The following RPL3L variants were observed in gnomAD, a reference collection of about 807,000 sequenced individuals.
The protein encoded by RPL3L is ribosomal protein uL3-like.
A neutral mutation model predicts 44.5 loss-of-function variants in RPL3L; 44 were observed. The observed-to-expected ratio is 0.99, with a 90% CI of 0.78 to 1.27. RPL3L has a LOEUF of 1.27. Ranked by LOEUF, RPL3L falls within the 50% of genes most tolerant of loss-of-function variation. RPL3L has a pLI of 0.00. For synonymous variants in RPL3L, 292 were observed against 230.7 expected (o/e 1.27, Z -2.41); for missense variants, 631 against 569.1 (o/e 1.11, Z -1.11).
chr16:1,954,623 A>G lies in RPL3L; in HGVS notation c.3+6T>C. 6.6e-7 allele frequency: 1 copy of G among 1,505,772 alleles called. No homozygotes were observed. The highest frequency in any genetic ancestry group is 8.9e-7 in the Non-Finnish European group (1 of 1,126,478). The allele number at this position is 1,505,772 out of a possible 1,614,324, so 93.3% of individuals were successfully genotyped here. On this transcript the variant is annotated splice_donor_region_variant and intron_variant, in intron 1 of 9. Transcript: ENST00000268661. ...CCCAGCCCACCCTCACCCTGGTCCCACCAACCATGGTGGCCGATCCCTGAA... is the reference window on the plus strand; with the variant it reads ...CCCAGCCCACCCTCACCCTGGTCCCGCCAACCATGGTGGCCGATCCCTGAA...
chr16:1,948,465 T>C (rs2083142296), intron 4 of RPL3L, among the ~76,000 whole-genome samples: 1 of 152,068 alleles, frequency 6.6e-6, no homozygotes, highest in Admixed American at 6.6e-5. Context: ...CTTCAAGCGA[T>C]CCACCCACCT....
rs2083149644 is a variant in RPL3L, at chr16:1,949,239, TTTTTGTTTTTTTTTTTTTTC to T, written c.501+1585_501+1604del. On this transcript the variant is annotated intron_variant, in intron 4 of 9. Coordinates refer to ENST00000268661, the MANE Select transcript of RPL3L (RefSeq NM_005061.3). The stretch of plus-strand genomic sequence containing the variant: ...CACTGGTGTAAGCCACTGGGCCTGA[TTTTTGTTTTTTTTTTTTTTC>T]TTTTTTTTTTTTTTTTTTTTTTGAG... Among the ~76,000 whole-genome samples the T allele has an allele frequency of 2.2e-5, 3 of 133,896 alleles. No individual in the cohort carries two copies. The South Asian group carries it at 7.4e-4, about 33-fold the overall frequency. The allele number at this position is 133,896 out of a possible 152,430, so 87.8% of individuals were successfully genotyped here.
intron 4 of RPL3L, among the ~76,000 whole-genome samples, chr16:1,949,351 T>G (rs1191160387): frequency 1.3e-5 from 2 of 148,702 alleles, no homozygotes; most frequent in Non-Finnish European, 3.0e-5. Flanking sequence ...CCTCCCAGTT[T>G]CAAGTGATTC....
chr16:1,954,447 A>T (rs959301015), intron 1 of RPL3L, among the ~76,000 whole-genome samples, 182 bp downstream of exon 1: 3 of 151,902 alleles, frequency 2.0e-5, no homozygotes, highest in African/African-American at 7.3e-5. Flanking sequence ...CCATCTGTTC[A>T]TCTCCAGGGC....
rs2083106775 is a variant in RPL3L, at chr16:1,944,676, C to T, written c.*161G>A. On this transcript the variant is annotated 3_prime_UTR_variant, in exon 10 of 10. Coordinates refer to ENST00000268661, the MANE Select transcript of RPL3L (RefSeq NM_005061.3). ...ATTACTCTTTCTCTATTGCAATTCCCCTGTCTTAATGAATCGGCTTTGTCT... is the reference window on the plus strand; with the variant it reads ...ATTACTCTTTCTCTATTGCAATTCCTCTGTCTTAATGAATCGGCTTTGTCT... The T allele has an allele frequency of 2.6e-6, 2 of 776,904 alleles. No homozygotes were observed. The highest frequency in any genetic ancestry group is 2.9e-4 in the Middle Eastern group (1 of 3,410). 48.1% of individuals were successfully genotyped at this position (776,904 alleles called of 1,614,324 possible).
chr16:1,946,404 TC>T (rs1384514210), intron 7 of RPL3L, among the ~76,000 whole-genome samples: 1 of 152,224 alleles, frequency 6.6e-6, no homozygotes, highest in Non-Finnish European at 1.5e-5. Flanking sequence ...AAGGCAAGGG[TC>T]CCACATCACT....
chr16:1,950,608 C>T (rs907504157), intron 4 of RPL3L, among the ~76,000 whole-genome samples: 1 of 152,174 alleles, frequency 6.6e-6, no homozygotes, highest in African/African-American at 2.4e-5. Flanking sequence ...CAGGGCGTGC[C>T]AGGGTCTTAG....
At chr16:1,953,718 G>A (rs867870997) in intron 2 of RPL3L, among the ~76,000 whole-genome samples, 2 of 152,250 alleles carry the variant, frequency 1.3e-5, no homozygotes, top group Admixed American at 6.5e-5. Context: ...TACCGCCCCG[G>A]TGACTGGACC....
chr16:1,951,071 C>G, intron 3 of RPL3L, 92 bp from the exon 4 acceptor site: 1 of 1,525,704 alleles, frequency 6.6e-7, no homozygotes. Flanking sequence ...GCCCACCAAG[C>G]AGGGGTCCTA....
chr16:1,945,216 G>T (rs569594504), intron 9 of RPL3L, among the ~76,000 whole-genome samples: 1 of 152,018 alleles, frequency 6.6e-6, no homozygotes, highest in Non-Finnish European at 1.5e-5. Flanking sequence ...TTAGCCTGGC[G>T]TGGTGGCACG....
Position 1,945,559 on chromosome 16 carries a change from G to A in RPL3L, c.1107C>T (p.Asp369=). 2 of 1,613,880 alleles carry A rather than the reference G, an allele frequency of 1.2e-6. No homozygotes were observed. The highest frequency in any genetic ancestry group is 1.7e-6 in the Non-Finnish European group (2 of 1,179,970). Residue 369 remains aspartate (D), a synonymous_variant, in exon 9 of 10, where the codon GAC becomes GAT. Transcript: ENST00000268661. ...GGCCATGGCCGAACTTGGAGGTGGT[G>A]TCAATGAACTTGAGCTCAATATTCT... ...AVENIELKFI[D]TTSKFGHGRF...
intron 7 of RPL3L, 136 bp downstream of exon 7, chr16:1,946,489 C>G (rs917826565): frequency 1.1e-6 from 1 of 885,288 alleles, no homozygotes; most frequent in Admixed American, 2.4e-5. Context: ...AATCTTGAGC[C>G]CTTGGGGCAG....
At chr16:1,950,185 G>A (rs988849807) in intron 4 of RPL3L, among the ~76,000 whole-genome samples, 1 of 151,356 alleles carries the variant, frequency 6.6e-6, no homozygotes, top group Non-Finnish European at 1.5e-5. Context: ...GGGTATGTAT[G>A]GGGCGGGTAT....
Position 1,952,984 on chromosome 16 carries a change from C to T in RPL3L, c.255G>A (p.Val85=), listed in dbSNP as rs746248169. The T allele has an allele frequency of 6.2e-7, 1 of 1,611,254 alleles. No homozygotes were observed. The highest frequency in any genetic ancestry group is 8.5e-7 in the Non-Finnish European group (1 of 1,179,110). ...AVTIVETPPL[V]VVGVVGYVAT... is the part of the protein sequence containing the mutation. Reference sequence around the variant, plus strand: ...CCACGTAGCCCACCACGCCCACCACCACTAGGGGCGGCGTTTCTACAATTG... The same window carrying T: ...CCACGTAGCCCACCACGCCCACCACTACTAGGGGCGGCGTTTCTACAATTG... The change falls in exon 3 of 10, where the codon GTG becomes GTA. Residue 85 remains valine (V), a synonymous_variant. Transcript: ENST00000268661.
At chr16:1,947,509 G>C (rs1447778978) in intron 4 of RPL3L, 129 bp from the exon 5 acceptor site, 1 of 1,164,630 alleles carries the variant, frequency 8.6e-7, no homozygotes, top group Admixed American at 2.9e-5. Flanking sequence ...CCCAGGATCA[G>C]GTTGCAACCC....
Position 1,944,623 on chromosome 16 carries a change from G to A in RPL3L, c.*214C>T, listed in dbSNP as rs557836866. The A allele has an allele frequency of 3.0e-5, 16 of 529,156 alleles. No individual in the cohort carries two copies. Among genetic ancestry groups the A allele is most frequent in the Non-Finnish European group, 4.4e-5 (13 of 293,436 alleles). The allele number at this position is 529,156 out of a possible 1,614,324, so 32.8% of individuals were successfully genotyped here. A position where few individuals can be genotyped will look rare whatever the true frequency, so the allele number is the denominator to read the frequency against. On this transcript the variant is annotated 3_prime_UTR_variant, in exon 10 of 10. Transcript: ENST00000268661. ...GAGTAATAATAAAACATAAAACTCC[G>A]GTCTCCCGCACAGCCAGCTCTGTGT...
chr16:1,953,924 C>T (rs755174010), intron 2 of RPL3L, 32 bp downstream of exon 2: 2 of 1,470,642 alleles, frequency 1.4e-6, no homozygotes, highest in Non-Finnish European at 1.8e-6. Context: ...TTCAGCCCTC[C>T]CCCTCCCCCA....
chr16:1,953,119 A>G, intron 2 of RPL3L, 77 bp from the exon 3 acceptor site: 3 of 1,484,448 alleles, frequency 2.0e-6, no homozygotes, highest in Non-Finnish European at 2.7e-6. Flanking sequence ...AGCCGCCCAC[A>G]TAGGGGCAGG....
chr16:1,947,179 C>G lies in RPL3L; in HGVS notation c.688+15G>C, dbSNP rs768907465. The G allele has an allele frequency of 1.9e-6, 3 of 1,612,444 alleles. No homozygotes were observed. The highest frequency in any genetic ancestry group is 2.5e-6 in the Non-Finnish European group (3 of 1,179,326). Reference sequence around the variant, plus strand: ...GGCAGCCTGCCCTGGAGCTGCCATCCTCACTGAGCCCTACCTTTGACGCCT... The same window carrying G: ...GGCAGCCTGCCCTGGAGCTGCCATCGTCACTGAGCCCTACCTTTGACGCCT... On this transcript the variant is annotated intron_variant, in intron 5 of 9. Transcript: ENST00000268661.
Sources: allele counts gnomAD v4.1 joint callset (sites outside exome capture counted in the v4.1 genomes callset), GRCh38; gene constraint gnomAD v4.1.1; transcripts MANE v1.5; gene names NCBI Gene and HGNC (gene_info 2026-07-23, HGNC 2026-07-21).